Variants in PLXDC2 observed in about 807,000 individuals in gnomAD.
PLXDC2 encodes the protein plexin domain-containing protein 2.
PLXDC2 carries 40 observed loss-of-function variants against 68.9 expected under a neutral mutation model. That is an observed-to-expected ratio of 0.58 (90% CI 0.45 to 0.76). The LOEUF is 0.76. Among genes scored for constraint, PLXDC2 ranks in the 30% least tolerant of loss-of-function variants. The pLI is 0.00. For missense variants in PLXDC2, 644 were observed against 661.9 expected, an observed-to-expected ratio of 0.97 and a Z score of 0.30; for synonymous variants, 243 against 234.2, an observed-to-expected ratio of 1.04 and a Z score of -0.34.
At chr10:19,919,687 G>C (rs2131379797) in intron 1 of PLXDC2, among the ~76,000 whole-genome samples, 1 of 152,188 alleles carries the variant, frequency 6.6e-6, no homozygotes, top group South Asian at 2.1e-4. Context: ...GGTAATTCTT[G>C]GCCCATCAGA....
chr10:19,827,564 CTTT>C (rs57646240), intron 1 of PLXDC2, among the ~76,000 whole-genome samples: 5 of 145,918 alleles, frequency 3.4e-5, no homozygotes, highest in Admixed American at 6.8e-5. Context: ...TTTTCTTTTT[CTTT>C]TTTTTTTTTT....
At chr10:20,092,943 T>G (rs1261955087) in intron 4 of PLXDC2, among the ~76,000 whole-genome samples, 1 of 151,860 alleles carries the variant, frequency 6.6e-6, no homozygotes, top group Non-Finnish European at 1.5e-5. Context: ...CCAGAGAGAG[T>G]CCATCCTTGT....
intron 9 of PLXDC2, among the ~76,000 whole-genome samples, chr10:20,190,334 G>A (rs939057052): frequency 1.3e-5 from 2 of 151,800 alleles, no homozygotes; most frequent in Non-Finnish European, 2.9e-5. Flanking sequence ...ATAATTAAAA[G>A]TTAATTGTCC....
intron 1 of PLXDC2, among the ~76,000 whole-genome samples, chr10:19,963,830 G>A (rs1834201194): frequency 6.6e-6 from 1 of 150,702 alleles, no homozygotes; most frequent in Non-Finnish European, 1.5e-5. Flanking sequence ...AGAACTTGAA[G>A]TATAATAAAA....
At chr10:20,020,844 G>T (rs1278531720) in intron 2 of PLXDC2, among the ~76,000 whole-genome samples, 2 of 152,052 alleles carry the variant, frequency 1.3e-5, no homozygotes, top group Non-Finnish European at 2.9e-5. Context: ...TTAGAATGAG[G>T]TATTGCATAA....
intron 4 of PLXDC2, among the ~76,000 whole-genome samples, chr10:20,118,964 T>C (rs1833658614): frequency 6.6e-6 from 1 of 151,632 alleles, no homozygotes. Context: ...TGACACTGTA[T>C]ACCTTTTCCA....
intron 12 of PLXDC2, among the ~76,000 whole-genome samples, chr10:20,240,172 C>T (rs1362797422): frequency 2.0e-5 from 3 of 152,134 alleles, no homozygotes; most frequent in Non-Finnish European, 4.4e-5. Flanking sequence ...CAAGTGAGAA[C>T]ATAGGGTATT....
intron 13 of PLXDC2, among the ~76,000 whole-genome samples, chr10:20,268,480 G>C (rs1835897874): frequency 2.6e-5 from 4 of 152,162 alleles, no homozygotes; most frequent in African/African-American, 9.7e-5. Flanking sequence ...AGATCACTCT[G>C]TAGCTTCAAA....
intron 4 of PLXDC2, among the ~76,000 whole-genome samples, chr10:20,117,416 C>T (rs1222273783): frequency 6.6e-6 from 1 of 151,984 alleles, no homozygotes; most frequent in Non-Finnish European, 1.5e-5. Context: ...TGTGTGCATG[C>T]GTGTGTGTGA....
Position 20,287,484 on chromosome 10 carries a change from T to C in PLXDC2, c.*7665T>C, listed in dbSNP as rs933751373. On this transcript the variant is annotated 3_prime_UTR_variant, in exon 14 of 14. Transcript: ENST00000377252. Reference sequence around the variant, plus strand: ...TCCAGTGCTATTTTCTGGACATTTGTGGTGAAGCCTCAGCCACCATGTTCA... The same window carrying C: ...TCCAGTGCTATTTTCTGGACATTTGCGGTGAAGCCTCAGCCACCATGTTCA... 6.6e-6 allele frequency: 1 copy of C among 152,174 alleles called. No individual in the cohort carries two copies. The highest frequency in any genetic ancestry group is 1.5e-5 in the Non-Finnish European group (1 of 68,028). 9.4% of individuals were successfully genotyped at this position (152,174 alleles called of 1,614,324 possible). A position where few individuals can be genotyped will look rare whatever the true frequency, so the allele number is the denominator to read the frequency against.
At chr10:20,143,464 C>A in intron 5 of PLXDC2, 47 bp downstream of exon 5, 3 of 1,603,652 alleles carry the variant, frequency 1.9e-6, no homozygotes, top group Non-Finnish European at 2.6e-6. Flanking sequence ...ATTTTTAAAC[C>A]TCAAGCATCA....
chr10:20,094,588 C>T (rs918529027), intron 4 of PLXDC2, among the ~76,000 whole-genome samples: 5 of 151,974 alleles, frequency 3.3e-5, no homozygotes, highest in Admixed American at 1.3e-4. Flanking sequence ...AGTCTGGTAG[C>T]ATGCATTTCA....
intron 1 of PLXDC2, among the ~76,000 whole-genome samples, chr10:19,933,184 T>G (rs1477782108): frequency 2.0e-5 from 3 of 151,988 alleles, no homozygotes; most frequent in Non-Finnish European, 4.4e-5. Flanking sequence ...GTCAGCAAAA[T>G]TATTCGTTAT....
intron 1 of PLXDC2, among the ~76,000 whole-genome samples, chr10:19,992,859 A>C (rs1834773470): frequency 1.3e-5 from 2 of 152,068 alleles, no homozygotes; most frequent in African/African-American, 2.4e-5. Flanking sequence ...TAAATAGCCC[A>C]CTTTGCTTAG....
intron 12 of PLXDC2, among the ~76,000 whole-genome samples, chr10:20,229,273 G>T (rs1276509842): frequency 6.6e-6 from 1 of 151,994 alleles, no homozygotes; most frequent in African/African-American, 2.4e-5. Flanking sequence ...CAAGTAATAT[G>T]GTGAGAGTGA....
At chr10:20,143,149 A>C (rs1166514808) in intron 4 of PLXDC2, 146 bp from the exon 5 acceptor site, 8 of 822,102 alleles carry the variant, frequency 9.7e-6, no homozygotes, top group Non-Finnish European at 1.8e-6. Context: ...TTAATTAGAT[A>C]CTAAGATATT....
Position 20,284,012 on chromosome 10 carries a change from C to T in PLXDC2, c.*4193C>T, listed in dbSNP as rs1426922935. ...GAGGGAGTATAAATTTGATCACGTC[C>T]CTAGTGTCTATTGCCCACTTGAGAA... On this transcript the variant is annotated 3_prime_UTR_variant, in exon 14 of 14. Transcript: ENST00000377252. 6.6e-6 allele frequency: 1 copy of T among 151,996 alleles called. No individual in the cohort carries two copies. Among genetic ancestry groups the T allele is most frequent in the Non-Finnish European group, 1.5e-5 (1 of 68,010 alleles). The allele number at this position is 151,996 out of a possible 1,614,324, so 9.4% of individuals were successfully genotyped here.
chr10:19,824,559 C>T (rs1051511292), intron 1 of PLXDC2, among the ~76,000 whole-genome samples: 1 of 152,180 alleles, frequency 6.6e-6, no homozygotes, highest in African/African-American at 2.4e-5. Context: ...TAGAGTACTC[C>T]ATTCTGAGAG....
intron 1 of PLXDC2, among the ~76,000 whole-genome samples, chr10:19,961,705 T>C (rs1834157075): frequency 6.6e-6 from 1 of 152,152 alleles, no homozygotes; most frequent in South Asian, 2.1e-4. Context: ...TGCACAAAGG[T>C]CTTGGAAAAA....
Sources: gnomAD v4.1 joint callset for allele counts (sites outside exome capture counted in the v4.1 genomes callset) on GRCh38, gnomAD v4.1.1 for gene constraint, MANE v1.5 for transcripts, NCBI Gene and HGNC (gene_info 2026-07-23, HGNC 2026-07-21) for gene names.